KIF1C: variants seen among roughly 807,000 people sequenced by gnomAD.
KIF1C encodes the protein kinesin-like protein KIF1C.
A neutral mutation model predicts 126.5 loss-of-function variants in KIF1C; 61 were observed. The observed-to-expected ratio is 0.48, with a 90% CI of 0.39 to 0.60. KIF1C has a LOEUF of 0.60. KIF1C is among the 20% of genes least tolerant of loss of function. The pLI is 0.00. For synonymous variants in KIF1C, 640 were observed against 580.6 expected (o/e 1.10, Z -1.47); for missense variants, 1,315 against 1,489.2 (o/e 0.88, Z 1.93).
Position 5,023,516 on chromosome 17 carries a change from C to T in KIF1C, c.2677C>T (p.Pro893Ser). Residue 893 changes from proline to serine, a missense_variant, in exon 23 of 23, where the codon CCT (proline) becomes TCT (serine). Pro to Ser is a moderately conservative substitution (Grantham distance 74, BLOSUM62 -1). Coordinates refer to ENST00000320785, the MANE Select transcript of KIF1C (RefSeq NM_006612.6). The surrounding 1 kb of genome is among the most constrained non-coding windows in gnomAD (Gnocchi z 4.2). ...EEGGEVPWAP[P>S]EGSEAAEEAA... ...AGGTGGTGAGGTCCCCTGGGCCCCG[C>T]CTGAAGGATCAGAGGCAGCAGAGGA... is the stretch of plus-strand genomic sequence containing the variant. The T allele has an allele frequency of 6.2e-7, 1 of 1,614,092 alleles. No homozygotes were observed. The highest frequency in any genetic ancestry group is 8.5e-7 in the Non-Finnish European group (1 of 1,180,000).
Position 4,997,977 on chromosome 17 carries a change from C to A in KIF1C, c.-328C>A, listed in dbSNP as rs1274981151. 1 of 147,768 alleles carries A rather than the reference C, an allele frequency of 6.8e-6. No homozygotes were observed. Among genetic ancestry groups the A allele is most frequent in the Non-Finnish European group, 1.5e-5 (1 of 66,406 alleles). The allele number at this position is 147,768 out of a possible 1,614,324, so 9.2% of individuals were successfully genotyped here. A position where few individuals can be genotyped will look rare whatever the true frequency, so the allele number is the denominator to read the frequency against. On this transcript the variant is annotated 5_prime_UTR_variant, in exon 1 of 23. Coordinates refer to ENST00000320785, the MANE Select transcript of KIF1C (RefSeq NM_006612.6). ...CTCGCGCTGCCCGGGCGGGCGCCGG[C>A]CGCTGGCGCCGCTACTGCTGCCGCC...
At chr17:5,007,418 T>C in intron 15 of KIF1C, 49 bp from the exon 16 acceptor site, 3 of 1,609,144 alleles carry the variant, frequency 1.9e-6, no homozygotes, top group Non-Finnish European at 2.5e-6. Context: ...GGGAAGGAGG[T>C]CACGGGCAGT....
At chr17:5,001,173 A>G in intron 4 of KIF1C, 49 bp from the exon 5 acceptor site, 3 of 1,574,830 alleles carry the variant, frequency 1.9e-6, no homozygotes, top group Non-Finnish European at 2.6e-6. Context: ...CACAAAGGAT[A>G]AAGACATCCA....
At position 5,009,108 on chromosome 17, in the gene KIF1C, T is replaced by A. The variant is rs567995153; in HGVS notation, c.1491+1566T>A. Among the ~76,000 whole-genome samples, 4 of 149,756 alleles carry A rather than the reference T, an allele frequency of 2.7e-5. No individual in the cohort carries two copies. The South Asian group carries it at 8.4e-4, about 31-fold the overall frequency. ...AAGTCTCCAATTTACAGCATTTTGT[T>A]ATAGAAAAAAAAAAAAAGTAACTCT... is the stretch of plus-strand genomic sequence containing the variant. On this transcript the variant is annotated intron_variant, in intron 16 of 22. Coordinates refer to ENST00000320785, the MANE Select transcript of KIF1C (RefSeq NM_006612.6).
chr17:5,010,652 C>T (rs1974842582), intron 16 of KIF1C, among the ~76,000 whole-genome samples: 2 of 150,730 alleles, frequency 1.3e-5, no homozygotes, highest in Non-Finnish European at 3.0e-5. Flanking sequence ...GAGGCTGAGG[C>T]AGGAGAATGG....
At position 5,022,574 on chromosome 17, in the gene KIF1C, G is replaced by T. The variant is rs767267650; in HGVS notation, c.2493G>T (p.Glu831Asp). The T allele has an allele frequency of 6.3e-7, 1 of 1,598,496 alleles. No individual in the cohort carries two copies. The highest frequency in any genetic ancestry group is 8.5e-7 in the Non-Finnish European group (1 of 1,172,480). The change falls in exon 22 of 23, where the codon GAG becomes GAT. Residue 831 changes from glutamate to aspartate, a missense_variant. Transcript: ENST00000320785. This position sits in a 1 kb window ranked among gnomAD's most constrained non-coding sequence, Gnocchi z 4.9. ...SEEGARGAEV[E>D]DLRAHIDKLT... The stretch of plus-strand genomic sequence containing the variant: ...AGGGAGCCCGAGGGGCGGAGGTGGA[G>T]GACCTCCGGGCCCACATCGACAAGC...
At chr17:5,006,035 C>T (rs979732251) in intron 13 of KIF1C, among the ~76,000 whole-genome samples, 4 of 151,430 alleles carry the variant, frequency 2.6e-5, no homozygotes, top group East Asian at 2.0e-4. Context: ...GGTGAAACCC[C>T]GTCTCTACTA....
At chr17:5,004,752 C>A (rs559308514) in intron 12 of KIF1C, 103 bp from the exon 13 acceptor site, 9 of 1,592,292 alleles carry the variant, frequency 5.7e-6, no homozygotes, top group South Asian at 3.3e-5. Context: ...GATGCCGGAG[C>A]CTTGCCACAA....
At chr17:5,001,733 G>A in intron 5 of KIF1C, among the ~76,000 whole-genome samples, 1 of 152,214 alleles carries the variant, frequency 6.6e-6, no homozygotes, top group East Asian at 1.9e-4. Flanking sequence ...ACCACCAGCA[G>A]AGTGTTAACT....
rs1374652943 is a variant in KIF1C at position 5,014,794 on chromosome 17, G to T, written c.1623G>T (p.Glu541Asp). 1 of 1,602,494 alleles carries T rather than the reference G, an allele frequency of 6.2e-7. No individual in the cohort carries two copies. Among genetic ancestry groups the T allele is most frequent in the Non-Finnish European group, 8.5e-7 (1 of 1,174,958 alleles). The change falls in exon 18 of 23, where the codon GAG becomes GAT. Residue 541 changes from glutamate (E) to aspartate (D), a missense_variant. Transcript: ENST00000320785. ...AGCTGACCGGACAGTTCATTCGGGA[G>T]CAACACTGTCTGTTCCGGAGCATCC... ...DIKLTGQFIREQHCLFRSIPQ... is the reference protein window; with the variant it reads ...DIKLTGQFIRDQHCLFRSIPQ...
Position 5,026,135 on chromosome 17 carries a change from C to A in KIF1C, c.*1984C>A, listed in dbSNP as rs1975204632. The A allele has an allele frequency of 6.6e-6, 1 of 152,236 alleles. No homozygotes were observed. The highest frequency in any genetic ancestry group is 2.4e-5 in the African/African-American group (1 of 41,448). 9.4% of individuals were successfully genotyped at this position (152,236 alleles called of 1,614,324 possible). On this transcript the variant is annotated 3_prime_UTR_variant, in exon 23 of 23. Transcript: ENST00000320785. ...TTAGGTTTACTCTAGGTTTCCACAC[C>A]CTGATGCTCCTGCCTTTACTTTGAC... is the stretch of plus-strand genomic sequence containing the variant.
chr17:5,022,681 G>T lies in KIF1C; in HGVS notation c.2600G>T (p.Arg867Leu). 6.4e-7 allele frequency: 1 copy of T among 1,567,474 alleles called. No individual in the cohort carries two copies. Residue 867 changes from arginine to leucine, a missense_variant, in exon 22 of 23, where the codon CGC becomes CTC. By Grantham distance (102) the Arg-to-Leu change is moderately radical (BLOSUM62 -2). Transcript: ENST00000320785. The surrounding 1 kb of genome is among the most constrained non-coding windows in gnomAD (Gnocchi z 4.9). ...ELQALRDRML[R>L]MERVIPLAQD... ...CAGGCCCTGCGGGACCGCATGCTCC[G>T]CATGGAGAGGGTCATCCCCCTGGCC...
rs142773987 is a variant in KIF1C, at chr17:5,001,377, A to G, written c.339A>G (p.Pro113=). The part of the protein sequence containing the change: ...KSYTMMGRQE[P]GQQGIVPQLC... ...ATACCATGATGGGGCGACAGGAGCC[A>G]GGGCAGCAGGGCATCGTGCCCCAGG... The change falls in exon 5 of 23, where the codon CCA becomes CCG. Residue 113 remains proline (P), a synonymous_variant. Coordinates refer to ENST00000320785, the MANE Select transcript of KIF1C (RefSeq NM_006612.6). 1.6e-4 allele frequency: 255 copies of G among 1,613,948 alleles called. No homozygotes were observed. Among genetic ancestry groups the G allele is most frequent in the Non-Finnish European group, 2.1e-4 (244 of 1,179,946 alleles).
In KIF1C at chr17:5,023,682, G is replaced by A. The variant is rs777127538; in HGVS notation, c.2843G>A (p.Arg948Gln). Residue 948 changes from arginine to glutamine, a missense_variant, in exon 23 of 23, where the codon CGG becomes CAG. Physicochemically the swap from Arg to Gln is conservative, Grantham distance 43 (BLOSUM62 1). Transcript: ENST00000320785. The surrounding 1 kb of genome is among the most constrained non-coding windows in gnomAD (Gnocchi z 4.2). The stretch of plus-strand genomic sequence containing the variant: ...CGCTGGCTCAAGCAGGAGCAGCTAC[G>A]GCTGCAGGGACTGCAGGGCTCTGGG... ...RLRWLKQEQLRLQGLQGSGGR... is the reference protein window; with the variant it reads ...RLRWLKQEQLQLQGLQGSGGR... 5.0e-6 allele frequency: 8 copies of A among 1,604,176 alleles called. No homozygotes were observed. The highest frequency in any genetic ancestry group is 1.1e-5 in the South Asian group (1 of 89,902).
chr17:5,013,927 C>T (rs1274730027), intron 17 of KIF1C, among the ~76,000 whole-genome samples, 195 bp downstream of exon 17: 3 of 152,194 alleles, frequency 2.0e-5, no homozygotes, highest in East Asian at 1.9e-4. Flanking sequence ...CTTGCCTCCA[C>T]CTGCCAGTTT....
intron 18 of KIF1C, among the ~76,000 whole-genome samples, chr17:5,018,443 G>A (rs1043143150): frequency 5.9e-5 from 9 of 151,894 alleles, no homozygotes; most frequent in South Asian, 2.1e-4. Context: ...AAGGCGGGCG[G>A]ATCACCTGAG....
chr17:5,002,941 G>A, intron 8 of KIF1C, 99 bp downstream of exon 8: 1 of 950,900 alleles, frequency 1.1e-6, no homozygotes, highest in Non-Finnish European at 1.6e-6. Context: ...CCCTGCCCAT[G>A]CTGGGTTGAG....
At chr17:5,021,511 G>C (rs957797134) in intron 21 of KIF1C, among the ~76,000 whole-genome samples, 14 of 151,354 alleles carry the variant, frequency 9.2e-5, no homozygotes, top group African/African-American at 3.4e-4. Context: ...GCAGGATCTT[G>C]CTCTGTCACC....
Position 5,001,315 on chromosome 17 carries a change from A to G in KIF1C, c.277A>G (p.Ile93Val). ...LHAFEGYNVC[I>V]FAYGQTGAGK... ...CGCCTTTGAAGGCTACAACGTGTGC[A>G]TCTTTGCCTATGGGCAGACCGGGGC... Residue 93 changes from isoleucine to valine, a missense_variant, in exon 5 of 23, where the codon ATC (isoleucine) becomes GTC (valine). Ile to Val is a conservative substitution (Grantham distance 29). Coordinates refer to ENST00000320785, the MANE Select transcript of KIF1C (RefSeq NM_006612.6). The G allele has an allele frequency of 6.2e-7, 1 of 1,614,204 alleles. No individual in the cohort carries two copies. The highest frequency in any genetic ancestry group is 8.5e-7 in the Non-Finnish European group (1 of 1,180,002).
Sources: gnomAD v4.1 joint callset for allele counts (sites outside exome capture counted in the v4.1 genomes callset) on GRCh38, gnomAD v4.1.1 for gene constraint, Gnocchi (gnomAD v3.1) non-coding constraint, MANE v1.5 for transcripts, NCBI Gene and HGNC (gene_info 2026-07-23, HGNC 2026-07-21) for gene names.